FERMT2: variants seen among roughly 807,000 people sequenced by gnomAD.
The protein encoded by FERMT2 is FERM domain containing kindlin 2.
Under a neutral mutation model 82.7 loss-of-function variants are expected in FERMT2, and 15 were observed. That is an observed-to-expected ratio of 0.18 (90% CI 0.12 to 0.28). The LOEUF is 0.28. FERMT2 is among the 10% of genes least tolerant of loss of function. The pLI is 1.00. For synonymous variants in FERMT2, 274 were observed against 271.5 expected (o/e 1.01, Z -0.09); for missense variants, 645 against 809.4 (o/e 0.80, Z 2.46).
At chr14:52,938,575 G>GT (rs769550743) in intron 2 of FERMT2, among the ~76,000 whole-genome samples, 13 of 151,444 alleles carry the variant, frequency 8.6e-5, no homozygotes, top group East Asian at 3.9e-4. Flanking sequence ...AGTTCACTTA[G>GT]TTTTTTTTTG....
At chr14:52,935,950 C>T (rs919012220) in intron 2 of FERMT2, among the ~76,000 whole-genome samples, 3 of 152,186 alleles carry the variant, frequency 2.0e-5, no homozygotes, top group African/African-American at 7.2e-5. Flanking sequence ...CAAGCAGTTA[C>T]AGAATGCATA....
intron 3 of FERMT2, among the ~76,000 whole-genome samples, chr14:52,900,229 A>G (rs1887541958): frequency 6.6e-6 from 1 of 151,700 alleles, no homozygotes; most frequent in South Asian, 2.1e-4. Flanking sequence ...CTCCTGCCTC[A>G]GCCTCCCAAA....
chr14:52,926,630 A>T (rs1889291329), intron 2 of FERMT2, among the ~76,000 whole-genome samples: 1 of 152,138 alleles, frequency 6.6e-6, no homozygotes, highest in South Asian at 2.1e-4. Flanking sequence ...TATTCAGTAT[A>T]TCTTATATTT....
In FERMT2 at chr14:52,858,227, A is replaced by C; in HGVS notation, c.*150T>G. ...GATAGATTAATAGTCGTGCTTGTTT[A>C]GTGCACATATTAACTGGTCTGGTAA... On this transcript the variant is annotated 3_prime_UTR_variant, in exon 15 of 15. Transcript: ENST00000341590. 1 of 621,268 alleles carries C rather than the reference A, an allele frequency of 1.6e-6. No individual in the cohort carries two copies. The highest frequency in any genetic ancestry group is 2.8e-6 in the Non-Finnish European group (1 of 351,440). 38.5% of individuals were successfully genotyped at this position (621,268 alleles called of 1,614,324 possible).
At chr14:52,866,470 G>A (rs1238469357) in intron 10 of FERMT2, among the ~76,000 whole-genome samples, 2 of 152,084 alleles carry the variant, frequency 1.3e-5, no homozygotes, top group African/African-American at 4.8e-5. Context: ...TCCAACTGCC[G>A]AGACTCACTG....
At chr14:52,888,152 C>CAG (rs1376068725) in intron 4 of FERMT2, among the ~76,000 whole-genome samples, 46 of 152,142 alleles carry the variant, frequency 3.0e-4, no homozygotes, top group Admixed American at 6.5e-4. Context: ...ACTCTCCAAC[C>CAG]ATTAAAAATC....
At chr14:52,868,446 AC>A in intron 10 of FERMT2, among the ~76,000 whole-genome samples, 1 of 151,898 alleles carries the variant, frequency 6.6e-6, no homozygotes, top group Non-Finnish European at 1.5e-5. Context: ...ACTATTTATT[AC>A]CCCAATTGTA....
At chr14:52,904,147 G>A (rs1887841146) in intron 3 of FERMT2, among the ~76,000 whole-genome samples, 1 of 151,930 alleles carries the variant, frequency 6.6e-6, no homozygotes, top group Admixed American at 6.6e-5. Flanking sequence ...TTGGGAGGCC[G>A]AGGTGGGTGG....
At chr14:52,871,027 A>G (rs1010757890) in intron 10 of FERMT2, among the ~76,000 whole-genome samples, 4 of 152,206 alleles carry the variant, frequency 2.6e-5, no homozygotes, top group African/African-American at 9.7e-5. Flanking sequence ...GGGCTGGGCC[A>G]CTAGGAGTAA....
At chr14:52,891,822 C>G (rs1284906923) in intron 4 of FERMT2, among the ~76,000 whole-genome samples, 1 of 152,072 alleles carries the variant, frequency 6.6e-6, no homozygotes, top group East Asian at 1.9e-4. Flanking sequence ...AGGTATATGC[C>G]CACGATTAAA....
chr14:52,941,817 G>A (rs1371614943), intron 2 of FERMT2, among the ~76,000 whole-genome samples: 1 of 152,140 alleles, frequency 6.6e-6, no homozygotes, highest in East Asian at 1.9e-4. Context: ...AATATATTAA[G>A]TAGAGAATTA....
At chr14:52,870,623 TCAGTA>T (rs1885561129) in intron 10 of FERMT2, among the ~76,000 whole-genome samples, 1 of 152,214 alleles carries the variant, frequency 6.6e-6, no homozygotes, top group African/African-American at 2.4e-5. Context: ...TCTACAGTAT[TCAGTA>T]CAGTAAAATG....
chr14:52,950,528 G>C lies in FERMT2; in HGVS notation c.41C>G (p.Ala14Gly). 1 of 1,614,148 alleles carries C rather than the reference G, an allele frequency of 6.2e-7. No homozygotes were observed. The highest frequency in any genetic ancestry group is 1.1e-5 in the South Asian group (1 of 91,086). Residue 14 changes from alanine to glycine, a missense_variant, in exon 2 of 15, where the codon GCG becomes GGG. Physicochemically the swap from Ala to Gly is moderately conservative, Grantham distance 60. Transcript: ENST00000341590. Reference sequence around the variant, plus strand: ...GACACTCAGTTCCCACGTCCCGTCCGCGTAGCAGCCATCTGGCATCCTTAT... The same window carrying C: ...GACACTCAGTTCCCACGTCCCGTCCCCGTAGCAGCCATCTGGCATCCTTAT... ...DGIRMPDGCY[A>G]DGTWELSVHV...
At chr14:52,905,085 A>G (rs539596739) in intron 3 of FERMT2, among the ~76,000 whole-genome samples, 1 of 151,440 alleles carries the variant, frequency 6.6e-6, no homozygotes, top group African/African-American at 2.4e-5. Context: ...GCTACTCAGG[A>G]GGCTGAGGCA....
intron 2 of FERMT2, among the ~76,000 whole-genome samples, chr14:52,934,308 C>T (rs557825994): frequency 5.3e-5 from 8 of 152,062 alleles, no homozygotes; most frequent in Non-Finnish European, 8.8e-5. Context: ...GAAAAAATAG[C>T]AAAACTAGTG....
At chr14:52,894,333 TAAG>T (rs1186334883) in intron 3 of FERMT2, among the ~76,000 whole-genome samples, 4 of 152,220 alleles carry the variant, frequency 2.6e-5, no homozygotes, top group Admixed American at 6.5e-5. Context: ...TCAATTTTGT[TAAG>T]AAGTCAATTC....
At chr14:52,904,529 C>A (rs1887872221) in intron 3 of FERMT2, among the ~76,000 whole-genome samples, 1 of 148,714 alleles carries the variant, frequency 6.7e-6, no homozygotes, top group African/African-American at 2.5e-5. Flanking sequence ...AAAAAACAAA[C>A]AAAAACAACA....
chr14:52,876,221 T>C (rs560395348), intron 7 of FERMT2, among the ~76,000 whole-genome samples: 123 of 152,354 alleles, frequency 8.1e-4, no homozygotes, highest in Non-Finnish European at 1.2e-3. Context: ...ACCAATGTTC[T>C]GTGTTTTAAG....
Position 52,872,889 on chromosome 14 carries a change from A to T in FERMT2, c.1183T>A (p.Tyr395Asn), listed in dbSNP as rs1182840056. 1.2e-6 allele frequency: 2 copies of T among 1,613,810 alleles called. No individual in the cohort carries two copies. Among genetic ancestry groups the T allele is most frequent in the Non-Finnish European group, 8.5e-7 (1 of 1,179,866 alleles). ...GATGTGTCTTTGAAGGTGCACCAAT[A>T]TTGTTTGTAACCTTTCAGAGTCAGC... The part of the protein sequence containing the change: ...KKLTLKGYKQ[Y>N]WCTFKDTSIS... The change falls in exon 10 of 15, where the codon TAT (tyrosine) becomes AAT (asparagine). Residue 395 changes from tyrosine (Y) to asparagine (N), a missense_variant. Tyr to Asn is a moderately radical substitution (Grantham distance 143, BLOSUM62 -2). Coordinates refer to ENST00000341590, the MANE Select transcript of FERMT2 (RefSeq NM_006832.3).
Sources: allele counts gnomAD v4.1 joint callset (sites outside exome capture counted in the v4.1 genomes callset), GRCh38; gene constraint gnomAD v4.1.1; transcripts MANE v1.5; gene names NCBI Gene and HGNC (gene_info 2026-07-23, HGNC 2026-07-21).